The following NUAK1 variants were observed in gnomAD, a reference collection of about 807,000 sequenced individuals.
The protein encoded by NUAK1 is NUAK family SNF1-like kinase 1.
In NUAK1, 26 loss-of-function variants were observed where a neutral mutation model predicts 56.9. The ratio of observed to expected loss-of-function variants is 0.46; its 90% CI spans 0.33 to 0.63. NUAK1 has a LOEUF of 0.63. Among genes scored for constraint, NUAK1 ranks in the 30% least tolerant of loss-of-function variants. The pLI, the probability that NUAK1 is intolerant of heterozygous loss-of-function variation, is 0.02. For missense variants in NUAK1, 727 were observed against 876.1 expected, an observed-to-expected ratio of 0.83 and a Z score of 2.15; for synonymous variants, 337 against 336.0, an observed-to-expected ratio of 1.00 and a Z score of -0.03.
chr12:106,121,946 A>C (rs972227897), intron 1 of NUAK1, among the ~76,000 whole-genome samples: 1 of 152,160 alleles, frequency 6.6e-6, no homozygotes, highest in Non-Finnish European at 1.5e-5. Context: ...AGGAAAACCC[A>C]ATCTTAAAGA....
At chr12:106,079,311 T>C (rs530783763) in intron 4 of NUAK1, among the ~76,000 whole-genome samples, 1 of 152,168 alleles carries the variant, frequency 6.6e-6, no homozygotes, top group African/African-American at 2.4e-5. Flanking sequence ...GCCATCATCA[T>C]GCTCCTTACT....
chr12:106,137,939 G>A (rs1222683582), intron 1 of NUAK1, among the ~76,000 whole-genome samples: 1 of 152,224 alleles, frequency 6.6e-6, no homozygotes, highest in Non-Finnish European at 1.5e-5. Context: ...GGAGGATGCA[G>A]AGCAAGGAGC....
At chr12:106,125,412 G>A (rs2033016782) in intron 1 of NUAK1, among the ~76,000 whole-genome samples, 1 of 152,180 alleles carries the variant, frequency 6.6e-6, no homozygotes, top group South Asian at 2.1e-4. Context: ...CATGAACCCT[G>A]AAGTCAGACG....
intron 2 of NUAK1, among the ~76,000 whole-genome samples, chr12:106,094,922 G>A (rs1215167011): frequency 6.6e-6 from 1 of 152,116 alleles, no homozygotes; most frequent in Non-Finnish European, 1.5e-5. Context: ...TGTGGGAGAG[G>A]GGACTTGACA....
intron 2 of NUAK1, among the ~76,000 whole-genome samples, chr12:106,096,675 C>A (rs976890550): frequency 6.6e-6 from 1 of 152,158 alleles, no homozygotes; most frequent in East Asian, 1.9e-4. Flanking sequence ...AGGGCAGCAA[C>A]CCAACAGCTA....
intron 1 of NUAK1, among the ~76,000 whole-genome samples, chr12:106,127,296 C>G (rs2033033286): frequency 6.6e-6 from 1 of 152,140 alleles, no homozygotes; most frequent in African/African-American, 2.4e-5. Context: ...CCCCAAGTAG[C>G]CAGGACTACA....
At position 106,065,181 on chromosome 12, in the gene NUAK1, T is replaced by C. The variant is rs1219415817; in HGVS notation, c.*1621A>G. On this transcript the variant is annotated 3_prime_UTR_variant, in exon 7 of 7. Coordinates refer to ENST00000261402, the MANE Select transcript of NUAK1 (RefSeq NM_014840.3). ...GTTCAATTTGCCTTGGCCAGCAGAA[T>C]CTGAAGTCATCCCAGAGACCAGGAA... The C allele has an allele frequency of 6.6e-6, 1 of 152,258 alleles. No individual in the cohort carries two copies. The highest frequency in any genetic ancestry group is 2.4e-5 in the African/African-American group (1 of 41,464). The allele number at this position is 152,258 out of a possible 1,614,324, so 9.4% of individuals were successfully genotyped here. A position where few individuals can be genotyped will look rare whatever the true frequency, so the allele number is the denominator to read the frequency against.
intron 2 of NUAK1, among the ~76,000 whole-genome samples, chr12:106,087,505 C>T (rs1169427349): frequency 6.6e-6 from 1 of 152,226 alleles, no homozygotes; most frequent in Non-Finnish European, 1.5e-5. Flanking sequence ...GGTGTATCCT[C>T]AGCACCCAGA....
rs774593600 is a variant in NUAK1 at position 106,067,804 on chromosome 12, C to T, written c.984G>A (p.Leu328=). The T allele has an allele frequency of 1.9e-6, 3 of 1,614,212 alleles. No homozygotes were observed. Among genetic ancestry groups the T allele is most frequent in the East Asian group, 4.5e-5 (2 of 44,884 alleles). Reference sequence around the variant, plus strand: ...GGTGGTGCCAGTCAATGATCCGAGCCAGGAGTGGGGACTCAGAGTCATGGA... The same window carrying T: ...GGTGGTGCCAGTCAATGATCCGAGCTAGGAGTGGGGACTCAGAGTCATGGA... The part of the protein sequence containing the change: ...DALHDSESPL[L]ARIIDWHHRS... The change falls in exon 7 of 7, where the codon CTG becomes CTA. Residue 328 remains leucine (L), a synonymous_variant. Coordinates refer to ENST00000261402, the MANE Select transcript of NUAK1 (RefSeq NM_014840.3). This position sits in a 1 kb window ranked among gnomAD's most constrained non-coding sequence, Gnocchi z 6.0.
In NUAK1 at chr12:106,067,817, T is replaced by C; in HGVS notation, c.971A>G (p.Glu324Gly). 1.2e-6 allele frequency: 2 copies of C among 1,613,966 alleles called. No individual in the cohort carries two copies. Among genetic ancestry groups the C allele is most frequent in the Non-Finnish European group, 1.7e-6 (2 of 1,180,002 alleles). Residue 324 changes from glutamate to glycine, a missense_variant, in exon 7 of 7, where the codon GAG (glutamate) becomes GGG (glycine). Physicochemically the swap from Glu to Gly is moderately conservative, Grantham distance 98. Coordinates refer to ENST00000261402, the MANE Select transcript of NUAK1 (RefSeq NM_014840.3). The surrounding 1 kb of genome is among the most constrained non-coding windows in gnomAD (Gnocchi z 6.0). ...AATGATCCGAGCCAGGAGTGGGGAC[T>C]CAGAGTCATGGAGGGCATCACAGTC... is the stretch of plus-strand genomic sequence containing the variant. Reference protein sequence around the residue: ...VCDCDALHDSESPLLARIIDW... With the variant: ...VCDCDALHDSGSPLLARIIDW...
chr12:106,073,662 A>T (rs899140955), intron 4 of NUAK1, among the ~76,000 whole-genome samples: 2 of 152,152 alleles, frequency 1.3e-5, no homozygotes, highest in African/African-American at 4.8e-5. Context: ...TACTAAAAAT[A>T]CAAAAATTAG....
At chr12:106,082,273 A>G (rs965145076) in intron 4 of NUAK1, among the ~76,000 whole-genome samples, 1 of 152,262 alleles carries the variant, frequency 6.6e-6, no homozygotes, top group African/African-American at 2.4e-5. Context: ...AGCCTAAATC[A>G]TCAAGAAACT....
chr12:106,106,492 T>G lies in NUAK1; in HGVS notation c.274A>C (p.Lys92Gln), dbSNP rs1362871677. 6.2e-7 allele frequency: 1 copy of G among 1,613,190 alleles called. No individual in the cohort carries two copies. Among genetic ancestry groups the G allele is most frequent in the Non-Finnish European group, 8.5e-7 (1 of 1,179,570 alleles). Residue 92 changes from lysine (K) to glutamine (Q), a missense_variant, in exon 2 of 7, where the codon AAG (lysine) becomes CAG (glutamine). By Grantham distance (53) the Lys-to-Gln change is moderately conservative (BLOSUM62 1). Coordinates refer to ENST00000261402, the MANE Select transcript of NUAK1 (RefSeq NM_014840.3). The part of the protein sequence containing the change: ...AIKSIRKDKI[K>Q]DEQDMVHIRR... ...ATGTGAACCATGTCTTGTTCATCCT[T>G]AATTTTGTCCTTACGAATGGATTTT...
In NUAK1 at chr12:106,138,275, A is replaced by G; in HGVS notation, c.240+139T>C. 8.9e-7 allele frequency: 1 copy of G among 1,129,926 alleles called. No homozygotes were observed. The highest frequency in any genetic ancestry group is 1.2e-6 in the Non-Finnish European group (1 of 823,398). The allele number at this position is 1,129,926 out of a possible 1,614,324, so 70.0% of individuals were successfully genotyped here. ...ACGGGGTGCTGGAGAAAGAGTGAGG[A>G]GTCTGTCTCGGGGCTTCCCAATGAG... On this transcript the variant is annotated intron_variant, in intron 1 of 6. Transcript: ENST00000261402. This position sits in a 1 kb window ranked among gnomAD's most constrained non-coding sequence, Gnocchi z 5.0.
Position 106,086,647 on chromosome 12 carries a change from C to T in NUAK1, c.513+87G>A, listed in dbSNP as rs534923869. The T allele has an allele frequency of 5.3e-5, 74 of 1,388,536 alleles. 1 individual carries two copies. In the South Asian group the frequency reaches 1.1e-3, roughly 21 times the overall value. The allele number at this position is 1,388,536 out of a possible 1,614,324, so 86.0% of individuals were successfully genotyped here. Reference sequence around the variant, plus strand: ...AATTCTCCATACATGCTCCCATGAACAGATATCACTTTTATAATAGGAAAA... The same window carrying T: ...AATTCTCCATACATGCTCCCATGAATAGATATCACTTTTATAATAGGAAAA... On this transcript the variant is annotated intron_variant, in intron 3 of 6. Coordinates refer to ENST00000261402, the MANE Select transcript of NUAK1 (RefSeq NM_014840.3).
At position 106,066,758 on chromosome 12, in the gene NUAK1, C is replaced by T; in HGVS notation, c.*44G>A. On this transcript the variant is annotated 3_prime_UTR_variant, in exon 7 of 7. Transcript: ENST00000261402. ...GCCTGTGAGCCCAAGTCTTGCTCCCCTTCCTCCCTCGTACCCCCGCCCGCC... is the reference window on the plus strand; with the variant it reads ...GCCTGTGAGCCCAAGTCTTGCTCCCTTTCCTCCCTCGTACCCCCGCCCGCC... 1 of 1,478,534 alleles carries T rather than the reference C, an allele frequency of 6.8e-7. No individual in the cohort carries two copies. The highest frequency in any genetic ancestry group is 9.3e-7 in the Non-Finnish European group (1 of 1,079,988). 91.6% of individuals were successfully genotyped at this position (1,478,534 alleles called of 1,614,324 possible).
rs561309053 is a variant in NUAK1 at position 106,068,029 on chromosome 12, G to C, written c.833-74C>G. 54 of 1,433,054 alleles carry C rather than the reference G, an allele frequency of 3.8e-5. No individual in the cohort carries two copies. In the South Asian group the frequency reaches 7.0e-4, roughly 19 times the overall value. 88.8% of individuals were successfully genotyped at this position (1,433,054 alleles called of 1,614,324 possible). On this transcript the variant is annotated intron_variant, in intron 6 of 6. Transcript: ENST00000261402. ...GCTTTGTGATAGTGGGACCCTCCAG[G>C]AGTGACGAAAGACACACACTCCCTC...
chr12:106,069,538 T>TG, intron 6 of NUAK1, among the ~76,000 whole-genome samples: 1 of 152,310 alleles, frequency 6.6e-6, no homozygotes, highest in South Asian at 2.1e-4. Flanking sequence ...ACAGTGCTGT[T>TG]GGCTGTTGAG....
Position 106,065,198 on chromosome 12 carries a change from G to C in NUAK1, c.*1604C>G, listed in dbSNP as rs922795286. The C allele has an allele frequency of 6.6e-6, 1 of 152,198 alleles. No homozygotes were observed. Among genetic ancestry groups the C allele is most frequent in the Non-Finnish European group, 1.5e-5 (1 of 68,044 alleles). The allele number at this position is 152,198 out of a possible 1,614,324, so 9.4% of individuals were successfully genotyped here. The stretch of plus-strand genomic sequence containing the variant: ...CAGCAGAATCTGAAGTCATCCCAGA[G>C]ACCAGGAAGTACAAACCTAGTATCA... On this transcript the variant is annotated 3_prime_UTR_variant, in exon 7 of 7. Coordinates refer to ENST00000261402, the MANE Select transcript of NUAK1 (RefSeq NM_014840.3).
Sources: allele counts gnomAD v4.1 joint callset (sites outside exome capture counted in the v4.1 genomes callset), GRCh38; gene constraint gnomAD v4.1.1; non-coding constraint Gnocchi (gnomAD v3.1); transcripts MANE v1.5; gene names NCBI Gene and HGNC (gene_info 2026-07-23, HGNC 2026-07-21).